The following ADGRL3 variants were observed in gnomAD, a reference collection of about 807,000 sequenced individuals.
ADGRL3 encodes adhesion G protein-coupled receptor L3.
In ADGRL3, 62 loss-of-function variants were observed where a neutral mutation model predicts 153.5. The ratio of observed to expected loss-of-function variants is 0.40; its 90% CI spans 0.33 to 0.50. The LOEUF is 0.50. Ranked by LOEUF, ADGRL3 falls within the 20% of genes least tolerant of loss-of-function variation. The pLI, the probability that ADGRL3 is intolerant of heterozygous loss-of-function variation, is 0.47. For synonymous variants in ADGRL3, 710 were observed against 672.5 expected (o/e 1.06, Z -0.86); for missense variants, 1,641 against 1,859.4 (o/e 0.88, Z 2.16).
intron 5 of ADGRL3, among the ~76,000 whole-genome samples, chr4:61,598,407 A>G (rs1478726153): frequency 6.6e-6 from 1 of 152,214 alleles, no homozygotes; most frequent in Non-Finnish European, 1.5e-5. Flanking sequence ...TATCAGATAC[A>G]TATCTATACA....
chr4:61,956,884 C>T (rs551984048), intron 17 of ADGRL3, among the ~76,000 whole-genome samples: 2 of 152,040 alleles, frequency 1.3e-5, no homozygotes, highest in Non-Finnish European at 2.9e-5. Context: ...CTGTTCTGTT[C>T]CATTGGTCTA....
chr4:62,008,202 G>A (rs2099168443), intron 21 of ADGRL3, among the ~76,000 whole-genome samples: 2 of 152,092 alleles, frequency 1.3e-5, no homozygotes, highest in South Asian at 4.1e-4. Context: ...ATGTAGTAGT[G>A]GACAGAGATC....
chr4:61,917,689 G>C (rs558977838), intron 13 of ADGRL3, among the ~76,000 whole-genome samples: 1 of 147,880 alleles, frequency 6.8e-6, no homozygotes, highest in South Asian at 2.1e-4. Context: ...GTCATGGGAT[G>C]GGGGGCAAGA....
chr4:61,341,797 A>G lies in ADGRL3; in HGVS notation c.-239-41327A>G, dbSNP rs560237991. On this transcript the variant is annotated intron_variant, in intron 1 of 26. Coordinates refer to ENST00000683033, the MANE Select transcript of ADGRL3 (RefSeq NM_001387552.1). ...TTGCTTTCAGCTTTTTCATACTTTA[A>G]ACATAGCTGCAGCAGACAGCATGGG... Among the ~76,000 whole-genome samples, 6 of 152,180 alleles carry G rather than the reference A, an allele frequency of 3.9e-5. No individual in the cohort carries two copies. The East Asian group carries it at 9.6e-4, about 24-fold the overall frequency.
intron 2 of ADGRL3, among the ~76,000 whole-genome samples, chr4:61,465,626 A>G (rs1278139751): frequency 6.6e-6 from 1 of 151,094 alleles, no homozygotes; most frequent in Non-Finnish European, 1.5e-5. Flanking sequence ...GAATGTGTAT[A>G]TTTCTGACTG....
At chr4:61,783,501 G>A (rs1195745860) in intron 8 of ADGRL3, among the ~76,000 whole-genome samples, 13 of 152,068 alleles carry the variant, frequency 8.5e-5, no homozygotes, top group Admixed American at 8.5e-4. Flanking sequence ...AAAAGAGGTA[G>A]TTCTAGGAAA....
At chr4:61,886,147 T>TA (rs2149526404) in intron 9 of ADGRL3, among the ~76,000 whole-genome samples, 1 of 152,330 alleles carries the variant, frequency 6.6e-6, no homozygotes, top group African/African-American at 2.4e-5. Context: ...TGGAGCCAAG[T>TA]ATTAAAATGA....
At chr4:61,246,620 G>A (rs1757199371) in intron 1 of ADGRL3, among the ~76,000 whole-genome samples, 4 of 151,472 alleles carry the variant, frequency 2.6e-5, no homozygotes, top group South Asian at 2.1e-4. Context: ...TCTTATTTTT[G>A]TTACATTATA....
chr4:61,280,107 C>CTTTTTTTTTTTTTTTT (rs771732117), intron 1 of ADGRL3, among the ~76,000 whole-genome samples: 5 of 94,660 alleles, frequency 5.3e-5, no homozygotes, highest in African/African-American at 1.9e-4. Flanking sequence ...CTTTTCTTTT[C>CTTTTTTTTTTTTTTTT]TTTTTCTTTT....
intron 1 of ADGRL3, among the ~76,000 whole-genome samples, chr4:61,338,507 C>A (rs184381646): frequency 5.6e-4 from 85 of 151,948 alleles, no homozygotes; most frequent in African/African-American, 2.0e-3. Context: ...AATTTCTGTG[C>A]AAAAGGCTCA....
chr4:61,662,082 A>T lies in ADGRL3; in HGVS notation c.474-14744A>T, dbSNP rs145369458. ...CAGCTACAGTCGGGGAGGCAAGGCC[A>T]GGGCTGTGCTCCACAGAGCTGGCAG... On this transcript the variant is annotated intron_variant, in intron 5 of 26. Coordinates refer to ENST00000683033, the MANE Select transcript of ADGRL3 (RefSeq NM_001387552.1). Among the ~76,000 whole-genome samples, 403 of 152,352 alleles carry T rather than the reference A, an allele frequency of 2.6e-3. 8 individuals are homozygous for T. The highest frequency in any genetic ancestry group is 9.2e-3 in the African/African-American group (383 of 41,596).
chr4:61,242,964 C>CT (rs1427112871), intron 1 of ADGRL3, among the ~76,000 whole-genome samples: 7 of 152,052 alleles, frequency 4.6e-5, no homozygotes, highest in African/African-American at 1.4e-4. Flanking sequence ...TTTAAGGAGT[C>CT]TATTTGTAAG....
At chr4:61,952,653 C>G (rs945941432) in intron 17 of ADGRL3, among the ~76,000 whole-genome samples, 1 of 152,112 alleles carries the variant, frequency 6.6e-6, no homozygotes, top group East Asian at 1.9e-4. Context: ...ACTACAAACT[C>G]TATTTTGTCA....
chr4:61,312,924 T>A (rs1247943696), intron 1 of ADGRL3, among the ~76,000 whole-genome samples: 1 of 152,220 alleles, frequency 6.6e-6, no homozygotes, highest in Non-Finnish European at 1.5e-5. Flanking sequence ...TTCACATTAA[T>A]GTTTGCAGCA....
intron 8 of ADGRL3, among the ~76,000 whole-genome samples, chr4:61,809,722 C>T (rs1181462056): frequency 1.3e-5 from 2 of 151,708 alleles, no homozygotes; most frequent in Non-Finnish European, 2.9e-5. Flanking sequence ...AGAATATGGA[C>T]TCTCATTTAT....
chr4:61,985,777 A>ATTT (rs2099083141), intron 19 of ADGRL3, among the ~76,000 whole-genome samples: 2 of 152,166 alleles, frequency 1.3e-5, no homozygotes, highest in African/African-American at 4.8e-5. Flanking sequence ...GTATAGTGAC[A>ATTT]GGCTATATAA....
intron 1 of ADGRL3, among the ~76,000 whole-genome samples, chr4:61,356,788 T>TA (rs1230186289): frequency 6.6e-6 from 1 of 152,090 alleles, no homozygotes; most frequent in Non-Finnish European, 1.5e-5. Context: ...AGATAAGTGT[T>TA]AAAAAAACAA....
chr4:61,754,440 T>C (rs1055044952), intron 8 of ADGRL3, among the ~76,000 whole-genome samples: 1 of 151,884 alleles, frequency 6.6e-6, no homozygotes, highest in African/African-American at 2.4e-5. Flanking sequence ...TTCTTTAATT[T>C]GAAAAACAAA....
chr4:61,908,721 C>A (rs951489809), intron 11 of ADGRL3, among the ~76,000 whole-genome samples: 1 of 151,662 alleles, frequency 6.6e-6, no homozygotes, highest in East Asian at 1.9e-4. Context: ...GTGTTATAAT[C>A]CTGTTTTAGT....
Sources: gnomAD v4.1 joint callset for allele counts (sites outside exome capture counted in the v4.1 genomes callset) on GRCh38, gnomAD v4.1.1 for gene constraint, MANE v1.5 for transcripts, NCBI Gene and HGNC (gene_info 2026-07-23, HGNC 2026-07-21) for gene names.